KCNH7: variants seen among roughly 807,000 people sequenced by gnomAD.
KCNH7 encodes potassium voltage-gated channel subfamily H member 7.
Under a neutral mutation model 120.8 loss-of-function variants are expected in KCNH7, and 49 were observed. That is an observed-to-expected ratio of 0.41 (90% CI 0.32 to 0.51). KCNH7 has a LOEUF of 0.51. KCNH7 is among the 20% of genes least tolerant of loss of function. The pLI is 0.38. For synonymous variants in KCNH7, 547 were observed against 516.1 expected (o/e 1.06, Z -0.81); for missense variants, 1,097 against 1,446.6 (o/e 0.76, Z 3.92).
chr2:162,826,665 T>C (rs1685300019), intron 2 of KCNH7, among the ~76,000 whole-genome samples: 1 of 152,142 alleles, frequency 6.6e-6, no homozygotes, highest in Non-Finnish European at 1.5e-5. Flanking sequence ...CTTTCCAGAC[T>C]CTGACACCTT....
chr2:162,741,822 T>C (rs1332435500), intron 2 of KCNH7, among the ~76,000 whole-genome samples: 1 of 152,188 alleles, frequency 6.6e-6, no homozygotes, highest in Non-Finnish European at 1.5e-5. Flanking sequence ...ATGTGAGATA[T>C]ACATAAGATA....
At chr2:162,392,345 G>A (rs1399480743) in intron 12 of KCNH7, among the ~76,000 whole-genome samples, 1 of 151,710 alleles carries the variant, frequency 6.6e-6, no homozygotes, top group East Asian at 1.9e-4. Flanking sequence ...TTAATTAAGG[G>A]AATATTATAA....
At chr2:162,683,977 C>T (rs1021934390) in intron 2 of KCNH7, among the ~76,000 whole-genome samples, 2 of 152,026 alleles carry the variant, frequency 1.3e-5, no homozygotes, top group African/African-American at 2.4e-5. Flanking sequence ...ACGAAAACAG[C>T]GTGGTACTGG....
intron 2 of KCNH7, among the ~76,000 whole-genome samples, chr2:162,573,263 G>A (rs1693554702): frequency 6.6e-6 from 1 of 151,970 alleles, no homozygotes; most frequent in African/African-American, 2.4e-5. Flanking sequence ...ACAAAATCAA[G>A]CCATGACTGA....
At chr2:162,619,455 A>G (rs1683264170) in intron 2 of KCNH7, among the ~76,000 whole-genome samples, 4 of 104,474 alleles carry the variant, frequency 3.8e-5, no homozygotes, top group South Asian at 3.4e-4. Context: ...AGGACACTCA[A>G]TTGTTAAAAA....
At chr2:162,741,184 A>G (rs943777563) in intron 2 of KCNH7, among the ~76,000 whole-genome samples, 3 of 147,674 alleles carry the variant, frequency 2.0e-5, no homozygotes. Context: ...CATATTAATA[A>G]CATATGTTAT....
chr2:162,537,734 T>G (rs187406315), intron 2 of KCNH7, among the ~76,000 whole-genome samples: 18 of 152,204 alleles, frequency 1.2e-4, no homozygotes, highest in African/African-American at 3.8e-4. Flanking sequence ...CAAGACGATA[T>G]TCTTCTAAAA....
intron 2 of KCNH7, among the ~76,000 whole-genome samples, chr2:162,835,159 A>G (rs550677350): frequency 4.6e-5 from 7 of 152,214 alleles, no homozygotes; most frequent in Non-Finnish European, 1.0e-4. Flanking sequence ...TAAGAGAAAC[A>G]TGGGAAGAAC....
intron 9 of KCNH7, 146 bp downstream of exon 9, chr2:162,423,190 G>A: frequency 1.3e-6 from 2 of 1,521,852 alleles, no homozygotes; most frequent in African/African-American, 1.4e-5. Flanking sequence ...TTGAGAATGA[G>A]AGACTATCTC....
chr2:162,647,228 C>T (rs1684393258), intron 2 of KCNH7, among the ~76,000 whole-genome samples: 2 of 152,142 alleles, frequency 1.3e-5, no homozygotes, highest in Non-Finnish European at 2.9e-5. Flanking sequence ...CCCAGGGTTG[C>T]CGCAGTCTCC....
At chr2:162,640,253 G>T (rs1221505428) in intron 2 of KCNH7, among the ~76,000 whole-genome samples, 1 of 152,096 alleles carries the variant, frequency 6.6e-6, no homozygotes, top group Non-Finnish European at 1.5e-5. Context: ...AGAGCAATTT[G>T]AAAGAGATTA....
At chr2:162,562,298 A>C in intron 2 of KCNH7, among the ~76,000 whole-genome samples, 2 of 152,278 alleles carry the variant, frequency 1.3e-5, no homozygotes, top group Admixed American at 1.3e-4. Context: ...GTATAATATG[A>C]ATGATTTTTA....
chr2:162,466,688 C>A (rs1689316898), intron 6 of KCNH7, among the ~76,000 whole-genome samples: 2 of 152,134 alleles, frequency 1.3e-5, no homozygotes, highest in Non-Finnish European at 2.9e-5. Context: ...TGTAGTGTTA[C>A]TTCACTGGTA....
chr2:162,592,656 G>A (rs1001293069), intron 2 of KCNH7, among the ~76,000 whole-genome samples: 1 of 151,998 alleles, frequency 6.6e-6, no homozygotes, highest in Non-Finnish European at 1.5e-5. Context: ...CAGAGCCTTT[G>A]TTTACTTACC....
intron 2 of KCNH7, among the ~76,000 whole-genome samples, chr2:162,614,946 A>T (rs1683094269): frequency 6.6e-6 from 1 of 152,110 alleles, no homozygotes; most frequent in Admixed American, 6.6e-5. Flanking sequence ...ATTTAAAAAG[A>T]AAAAGATAAA....
chr2:162,378,082 G>A (rs989265576), intron 14 of KCNH7, among the ~76,000 whole-genome samples: 2 of 152,286 alleles, frequency 1.3e-5, no homozygotes, highest in East Asian at 1.9e-4. Context: ...GGAATTATAC[G>A]TAGAGTAGGA....
At chr2:162,739,896 T>C (rs1225813673) in intron 2 of KCNH7, among the ~76,000 whole-genome samples, 3 of 148,448 alleles carry the variant, frequency 2.0e-5, no homozygotes, top group Non-Finnish European at 4.4e-5. Context: ...CAGGGCTGGG[T>C]ATTGATTGAG....
chr2:162,472,873 A>G (rs1369941905), intron 6 of KCNH7, among the ~76,000 whole-genome samples: 1 of 152,212 alleles, frequency 6.6e-6, no homozygotes, highest in Non-Finnish European at 1.5e-5. Context: ...GATTAAGAAA[A>G]TGTGGCATAT....
At chr2:162,554,795 G>T (rs1351646914) in intron 2 of KCNH7, among the ~76,000 whole-genome samples, 2 of 152,026 alleles carry the variant, frequency 1.3e-5, no homozygotes, top group Non-Finnish European at 1.5e-5. Flanking sequence ...CCCATCTCAG[G>T]ATCCTTAACT....
Sources: allele counts gnomAD v4.1 joint callset (sites outside exome capture counted in the v4.1 genomes callset), GRCh38; gene constraint gnomAD v4.1.1; transcripts MANE v1.5; gene names NCBI Gene and HGNC (gene_info 2026-07-23, HGNC 2026-07-21).